DSP: variants seen among roughly 807,000 people sequenced by gnomAD.
The protein encoded by DSP is desmoplakin.
In DSP, 114 loss-of-function variants were observed where a neutral mutation model predicts 290.6. The ratio of observed to expected loss-of-function variants is 0.39; its 90% CI spans 0.34 to 0.46. The LOEUF (loss-of-function observed/expected upper bound fraction) is 0.46. Among genes scored for constraint, DSP ranks in the 20% least tolerant of loss-of-function variants. The pLI is 0.99. For missense variants in DSP, 3,230 were observed against 3,495.8 expected, an observed-to-expected ratio of 0.92 and a Z score of 1.92; for synonymous variants, 1,311 against 1,316.4, an observed-to-expected ratio of 1.00 and a Z score of 0.09.
chr6:7,559,210 GT>G lies in DSP; in HGVS notation c.423-9del. 1.2e-6 allele frequency: 2 copies of G among 1,613,616 alleles called. No individual in the cohort carries two copies. Among genetic ancestry groups the G allele is most frequent in the Non-Finnish European group, 1.7e-6 (2 of 1,179,914 alleles). The stretch of plus-strand genomic sequence containing the variant: ...GCTGTTTTCCTGCAGTGGTTTAAAG[GT>G]TTTTTTCTTTGCAGGCTTCTTCAGC... On this transcript the variant is annotated splice_polypyrimidine_tract_variant and intron_variant, in intron 3 of 23. Transcript: ENST00000379802.
chr6:7,565,497 G>A lies in DSP; in HGVS notation c.916G>A (p.Ala306Thr), dbSNP rs368193211. Residue 306 changes from alanine to threonine, a missense_variant, in exon 7 of 24, where the codon GCT (alanine) becomes ACT (threonine). Around this residue, in one of 5 missense-constraint regions of DSP, gnomAD observed 646 missense variants for 684.3 expected, o/e 0.94. Transcript: ENST00000379802. This position sits in a 1 kb window ranked among gnomAD's most constrained non-coding sequence, Gnocchi z 4.2. Reference protein sequence around the residue: ...YDWSDKNTNIAQKQEAFSIRM... With the variant: ...YDWSDKNTNITQKQEAFSIRM... ...CTGGAGCGACAAGAACACCAACATCGCTCAGAAACAGGAGGCCTTCTCCGT... is the reference window on the plus strand; with the variant it reads ...CTGGAGCGACAAGAACACCAACATCACTCAGAAACAGGAGGCCTTCTCCGT... 5.1e-5 allele frequency: 82 copies of A among 1,613,908 alleles called. No individual in the cohort carries two copies. The highest frequency in any genetic ancestry group is 1.7e-4 in the Middle Eastern group (1 of 6,056).
Position 7,584,226 on chromosome 6 carries a change from G to T in DSP, c.6964G>T (p.Gly2322Cys). 1.2e-6 allele frequency: 2 copies of T among 1,614,138 alleles called. No homozygotes were observed. Among genetic ancestry groups the T allele is most frequent in the Non-Finnish European group, 1.7e-6 (2 of 1,180,024 alleles). ...VEEAYKRGLV[G>C]IEFKEKLLSA... is the part of the protein sequence containing the mutation. ...GGAAGCCTACAAGAGAGGTCTGGTG[G>T]GCATTGAGTTCAAAGAGAAGCTCCT... The change falls in exon 24 of 24, where the codon GGC (glycine) becomes TGC (cysteine). Residue 2322 changes from glycine (G) to cysteine (C), a missense_variant. Gly to Cys is a radical substitution (Grantham distance 159, BLOSUM62 -3). Around this residue, in one of 5 missense-constraint regions of DSP, gnomAD observed 207 missense variants for 281.2 expected, o/e 0.74. Transcript: ENST00000379802. This position sits in a 1 kb window ranked among gnomAD's most constrained non-coding sequence, Gnocchi z 6.4.
At chr6:7,547,950 T>C (rs149050922) in intron 1 of DSP, among the ~76,000 whole-genome samples, 69 of 152,206 alleles carry the variant, frequency 4.5e-4, no homozygotes, top group African/African-American at 1.6e-3. Flanking sequence ...CTTAAAGTTA[T>C]GGACTGGGGC....
intron 1 of DSP, among the ~76,000 whole-genome samples, chr6:7,552,275 A>T (rs556472802): frequency 6.6e-6 from 1 of 152,222 alleles, no homozygotes; most frequent in African/African-American, 2.4e-5. Context: ...AACATATGAG[A>T]CAGGGCGCGG....
rs2491080 is a variant in DSP at position 7,579,472 on chromosome 6, G to A, written c.3282G>A (p.Lys1094=). The change falls in exon 23 of 24, where the codon AAG becomes AAA. Residue 1094 remains lysine, a synonymous_variant. Transcript: ENST00000379802. This position sits in a 1 kb window ranked among gnomAD's most constrained non-coding sequence, Gnocchi z 4.1. ...CTGAGCTGGATGGGAAGTCGGCTAAGCAAAATCTAGACAAGTGCTACGGCC... is the reference window on the plus strand; with the variant it reads ...CTGAGCTGGATGGGAAGTCGGCTAAACAAAATCTAGACAAGTGCTACGGCC... ...RQAELDGKSA[K]QNLDKCYGQI... is the part of the protein sequence containing the mutation. 2.5e-5 allele frequency: 40 copies of A among 1,613,988 alleles called. No individual in the cohort carries two copies. Among genetic ancestry groups the A allele is most frequent in the Non-Finnish European group, 3.1e-5 (37 of 1,180,042 alleles).
intron 2 of DSP, among the ~76,000 whole-genome samples, chr6:7,556,725 C>T (rs1758516635): frequency 6.6e-6 from 1 of 152,116 alleles, no homozygotes. Flanking sequence ...ATTTCTTCAT[C>T]CAGTTAAAAA....
Position 7,582,139 on chromosome 6 carries a change from G to GGTGT in DSP, c.5380-478_5380-475dup, listed in dbSNP as rs10545097. ...GACAATATTTGTGTGTGGCTGGGTT[G>GGTGT]GTGTGTGTGTGTGTGTGTGTGTGTG... On this transcript the variant is annotated intron_variant, in intron 23 of 23. Transcript: ENST00000379802. This position sits in a 1 kb window ranked among gnomAD's most constrained non-coding sequence, Gnocchi z 4.2. Among the ~76,000 whole-genome samples, 98 of 143,784 alleles carry GGTGT rather than the reference G, an allele frequency of 6.8e-4. 1 individual carries two copies. The highest frequency in any genetic ancestry group is 3.6e-3 in the Middle Eastern group (1 of 276). 94.3% of individuals were successfully genotyped at this position (143,784 alleles called of 152,430 possible). A position where few individuals can be genotyped will look rare whatever the true frequency, so the allele number is the denominator to read the frequency against.
At chr6:7,570,610 G>GC (rs770858146) in intron 13 of DSP, 47 bp downstream of exon 13, 2 of 1,609,822 alleles carry the variant, frequency 1.2e-6, no homozygotes, top group East Asian at 2.2e-5. Flanking sequence ...GGGCAGCGCT[G>GC]CCCCCCGCAG....
In DSP at chr6:7,567,905, A is replaced by C; in HGVS notation, c.1265A>C (p.Glu422Ala). The change falls in exon 10 of 24, where the codon GAG becomes GCG. Residue 422 changes from glutamate to alanine, a missense_variant and splice_region_variant. Physicochemically the swap from Glu to Ala is moderately radical, Grantham distance 107. Around this residue, in one of 5 missense-constraint regions of DSP, gnomAD observed 646 missense variants for 684.3 expected, o/e 0.94. Coordinates refer to ENST00000379802, the MANE Select transcript of DSP (RefSeq NM_004415.4). ...QHLLEQIKELEKEREKILEYK... is the reference protein window; with the variant it reads ...QHLLEQIKELAKEREKILEYK... ...CTGCTGGAACAGATCAAGGAGCTGG[A>C]GGTATCGTCTCAGACCCAGAACCTC... is the stretch of plus-strand genomic sequence containing the variant. 1 of 1,613,550 alleles carries C rather than the reference A, an allele frequency of 6.2e-7. No individual in the cohort carries two copies.
chr6:7,554,125 A>ACACACACACACACACACACACACACCC (rs772041102), intron 1 of DSP, among the ~76,000 whole-genome samples: 1 of 144,398 alleles, frequency 6.9e-6, no homozygotes, highest in South Asian at 2.2e-4. Context: ...ACACACACAC[A>ACACACACACACACACACACACACACCC]CCCAGTTGGT....
At chr6:7,562,552 C>A (rs1758727618) in intron 4 of DSP, 100 bp from the exon 5 acceptor site, 1 of 1,588,380 alleles carries the variant, frequency 6.3e-7, no homozygotes, top group African/African-American at 1.3e-5. Context: ...ATATTTACAT[C>A]TTTGGTTCTA....
Position 7,584,930 on chromosome 6 carries a change from A to G in DSP, c.7668A>G (p.Gln2556=), listed in dbSNP as rs1759587367. The change falls in exon 24 of 24, where the codon CAA becomes CAG. Residue 2556 remains glutamine (Q), a synonymous_variant. Transcript: ENST00000379802. The surrounding 1 kb of genome is among the most constrained non-coding windows in gnomAD (Gnocchi z 6.4). ...GATCCGGCAGCCTCAGCCTCACTCA[A>G]TTTGCTGACATGATCTCCTTGAAAA... ...QYRSGSLSLT[Q]FADMISLKNG... is the part of the protein sequence containing the mutation. 5 of 1,614,116 alleles carry G rather than the reference A, an allele frequency of 3.1e-6. No individual in the cohort carries two copies. Among genetic ancestry groups the G allele is most frequent in the Non-Finnish European group, 4.2e-6 (5 of 1,180,030 alleles).
rs1379441574 is a variant in DSP at position 7,575,324 on chromosome 6, G to C, written c.2466G>C (p.Lys822Asn). Residue 822 changes from lysine (K) to asparagine (N), a missense_variant, in exon 18 of 24, where the codon AAG (lysine) becomes AAC (asparagine). Physicochemically the swap from Lys to Asn is moderately conservative, Grantham distance 94 (BLOSUM62 0). Coordinates refer to ENST00000379802, the MANE Select transcript of DSP (RefSeq NM_004415.4). ...TAAAAAATGACTTGAACTTGAAGAAGTCGTTGTTGGCCACTATGAAGACAG... is the reference window on the plus strand; with the variant it reads ...TAAAAAATGACTTGAACTTGAAGAACTCGTTGTTGGCCACTATGAAGACAG... ...KKIKNDLNLK[K>N]SLLATMKTEL... The C allele has an allele frequency of 1.2e-6, 2 of 1,613,578 alleles. No homozygotes were observed. The highest frequency in any genetic ancestry group is 1.7e-6 in the Non-Finnish European group (2 of 1,179,978).
rs147178098 is a variant in DSP, at chr6:7,563,808, G to A, written c.777+22G>A. Reference sequence around the variant, plus strand: ...GCTGGTAAGCTGATTTATTTCTCAAGTGCATCGACTTTCTGTTGTTTCCAA... The same window carrying A: ...GCTGGTAAGCTGATTTATTTCTCAAATGCATCGACTTTCTGTTGTTTCCAA... On this transcript the variant is annotated intron_variant, in intron 6 of 23. Coordinates refer to ENST00000379802, the MANE Select transcript of DSP (RefSeq NM_004415.4). The A allele has an allele frequency of 1.0e-3, 1,651 of 1,608,522 alleles. 2 individuals carry two copies. The highest frequency in any genetic ancestry group is 1.2e-3 in the Non-Finnish European group (1,436 of 1,174,890).
chr6:7,554,125 A>ACACACACACACACACCCC (rs772041102), intron 1 of DSP, among the ~76,000 whole-genome samples: 6 of 144,398 alleles, frequency 4.2e-5, no homozygotes, highest in Non-Finnish European at 6.0e-5. Flanking sequence ...ACACACACAC[A>ACACACACACACACACCCC]CCCAGTTGGT....
At chr6:7,569,453 C>T in intron 12 of DSP, 113 bp downstream of exon 12, 4 of 1,512,790 alleles carry the variant, frequency 2.6e-6, no homozygotes, top group Non-Finnish European at 2.7e-6. Flanking sequence ...CCATAATAAA[C>T]ACCTTCTAAA....
intron 1 of DSP, among the ~76,000 whole-genome samples, chr6:7,544,667 ACT>A (rs1267665249): frequency 6.6e-6 from 1 of 151,534 alleles, no homozygotes; most frequent in Non-Finnish European, 1.5e-5. Context: ...GGAGGGCCCA[ACT>A]CTTAGTTTTC....
At position 7,580,300 on chromosome 6, in the gene DSP, C is replaced by T; in HGVS notation, c.4110C>T (p.Ile1370=). 1.2e-6 allele frequency: 2 copies of T among 1,613,782 alleles called. No homozygotes were observed. Among genetic ancestry groups the T allele is most frequent in the Non-Finnish European group, 1.7e-6 (2 of 1,179,912 alleles). Residue 1370 remains isoleucine, a synonymous_variant, in exon 23 of 24, where the codon ATC becomes ATT. Transcript: ENST00000379802. This position sits in a 1 kb window ranked among gnomAD's most constrained non-coding sequence, Gnocchi z 4.2. ...TAAAAAATCAGTTTGAGACCGAGATCAACATCACCAAGACCACCATCCACC... is the reference window on the plus strand; with the variant it reads ...TAAAAAATCAGTTTGAGACCGAGATTAACATCACCAAGACCACCATCCACC... The part of the protein sequence containing the change: ...ISLKNQFETE[I]NITKTTIHQL...
intron 2 of DSP, among the ~76,000 whole-genome samples, chr6:7,557,813 T>C (rs1251326525): frequency 6.6e-6 from 1 of 152,110 alleles, no homozygotes; most frequent in African/African-American, 2.4e-5. Flanking sequence ...CACAATGAGA[T>C]TCCCATTATA....
Sources: allele counts gnomAD v4.1 joint callset (sites outside exome capture counted in the v4.1 genomes callset), GRCh38; gene constraint gnomAD v4.1.1; regional missense constraint gnomAD v4.1.1; non-coding constraint Gnocchi (gnomAD v3.1); transcripts MANE v1.5; gene names NCBI Gene and HGNC (gene_info 2026-07-23, HGNC 2026-07-21).